Variants in RBFOX1 observed in about 807,000 individuals in gnomAD.
RBFOX1 encodes RNA binding fox-1 homolog 1.
In RBFOX1, 8 loss-of-function variants were observed where a neutral mutation model predicts 57.7. The ratio of observed to expected loss-of-function variants is 0.14; its 90% confidence interval spans 0.08 to 0.25. The LOEUF (loss-of-function observed/expected upper bound fraction) is 0.25, where lower values mean the gene tolerates loss of function less well. Ranked by LOEUF, RBFOX1 falls within the 10% of genes least tolerant of loss-of-function variation. RBFOX1 has a pLI of 1.00. For synonymous variants in RBFOX1, 326 were observed against 222.4 expected, an observed-to-expected ratio of 1.47 and a Z score of -4.15; for missense variants, 611 against 548.5, an observed-to-expected ratio of 1.11 and a Z score of -1.14.
At chr16:5,296,040 C>G (rs2063659111) in intron 1 of RBFOX1, among the ~76,000 whole-genome samples, 1 of 150,862 alleles carries the variant, frequency 6.6e-6, no homozygotes. Flanking sequence ...TCATCGGTCT[C>G]CTGCCTGTGA....
intron 3 of RBFOX1, among the ~76,000 whole-genome samples, chr16:6,841,589 A>C (rs1284155680): frequency 6.6e-6 from 1 of 152,110 alleles, no homozygotes; most frequent in Non-Finnish European, 1.5e-5. Flanking sequence ...GTCCACCCAC[A>C]GTTGAAGAGC....
In RBFOX1 at chr16:6,783,032, T is replaced by A. The variant is rs762768037; in HGVS notation, c.-16+128382T>A. On this transcript the variant is annotated intron_variant, in intron 3 of 15. Transcript: ENST00000550418. ...AGATTTTGTCTTGAAATATATTTTA[T>A]CTGGTATAAGTACAGCTCTTTATGT... is the stretch of plus-strand genomic sequence containing the variant. Among the ~76,000 whole-genome samples, 29 of 152,170 alleles carry A rather than the reference T, an allele frequency of 1.9e-4. 1 individual carries two copies. The highest frequency in any genetic ancestry group is 3.8e-4 in the Non-Finnish European group (26 of 68,022).
intron 4 of RBFOX1, among the ~76,000 whole-genome samples, chr16:7,198,659 G>C (rs188598508): frequency 6.6e-6 from 1 of 152,156 alleles, no homozygotes; most frequent in African/African-American, 2.4e-5. Context: ...AAGGGCAAGA[G>C]GGAAGAATAG....
chr16:5,749,866 C>T (rs188760455), intron 3 of RBFOX1, among the ~76,000 whole-genome samples: 25 of 152,332 alleles, frequency 1.6e-4, no homozygotes, highest in Middle Eastern at 3.4e-3. Context: ...TCTCTCAACT[C>T]GTCGAAGTCA....
At chr16:5,955,118 TAAAAAAAAAAAAAAA>T (rs34488881) in intron 4 of RBFOX1, among the ~76,000 whole-genome samples, 1 of 14,288 alleles carries the variant, frequency 7.0e-5, no homozygotes, top group African/African-American at 3.6e-4. Context: ...CCATCTCTAC[TAAAAAAAAAAAAAAA>T]AAAAAAAAAA....
intron 3 of RBFOX1, among the ~76,000 whole-genome samples, chr16:6,998,466 T>G (rs1424399496): frequency 6.6e-6 from 1 of 152,122 alleles, no homozygotes; most frequent in Non-Finnish European, 1.5e-5. Context: ...TAGACAAGGT[T>G]TTAGGGAAAA....
At chr16:6,602,937 T>C (rs1222335470) in intron 2 of RBFOX1, among the ~76,000 whole-genome samples, 1 of 152,116 alleles carries the variant, frequency 6.6e-6, no homozygotes, top group African/African-American at 2.4e-5. Context: ...GAGCTGGAGA[T>C]TGGGAATCCT....
At chr16:7,128,645 A>G (rs530823787) in intron 4 of RBFOX1, among the ~76,000 whole-genome samples, 16 of 152,164 alleles carry the variant, frequency 1.1e-4, no homozygotes, top group South Asian at 8.3e-4. Context: ...TTTCTACCCT[A>G]TTGTTACCAG....
At chr16:7,669,969 G>C (rs566713013) in intron 13 of RBFOX1, among the ~76,000 whole-genome samples, 1 of 151,988 alleles carries the variant, frequency 6.6e-6, no homozygotes, top group Admixed American at 6.6e-5. Context: ...CCTGTATTAC[G>C]TCATCTCTCC....
chr16:6,607,581 G>GTCCTC (rs2097957225), intron 2 of RBFOX1, among the ~76,000 whole-genome samples: 3 of 146,930 alleles, frequency 2.0e-5, no homozygotes, highest in South Asian at 2.2e-4. Context: ...TCTCCGTCCT[G>GTCCTC]TCTCCCTCCT....
chr16:6,480,493 ATAT>A (rs1374620267), intron 2 of RBFOX1, among the ~76,000 whole-genome samples: 12 of 152,202 alleles, frequency 7.9e-5, no homozygotes, highest in African/African-American at 2.2e-4. Context: ...ACATCACGAA[ATAT>A]TATTCTTCTT....
intron 4 of RBFOX1, among the ~76,000 whole-genome samples, chr16:7,255,001 C>G (rs796811922): frequency 6.6e-5 from 10 of 152,168 alleles, no homozygotes; most frequent in African/African-American, 2.4e-4. Context: ...GTTTTATTTG[C>G]TGTTGTGTCC....
intron 2 of RBFOX1, among the ~76,000 whole-genome samples, chr16:6,653,022 C>G (rs1355372357): frequency 6.6e-6 from 1 of 152,174 alleles, no homozygotes; most frequent in Non-Finnish European, 1.5e-5. Flanking sequence ...TTACTTCCCT[C>G]TAACCACAGT....
chr16:7,009,646 G>A (rs1466162369), intron 3 of RBFOX1, among the ~76,000 whole-genome samples: 25 of 152,096 alleles, frequency 1.6e-4, no homozygotes, highest in Non-Finnish European at 2.9e-5. Flanking sequence ...TCTACCGTCT[G>A]GGCACTTGTC....
intron 1 of RBFOX1, among the ~76,000 whole-genome samples, chr16:6,223,669 G>A (rs1295223023): frequency 6.6e-6 from 1 of 152,138 alleles, no homozygotes; most frequent in Non-Finnish European, 1.5e-5. Flanking sequence ...CACTCTGATG[G>A]TAGTTTCCTT....
intron 4 of RBFOX1, among the ~76,000 whole-genome samples, chr16:7,273,252 T>TCCTTCCTTCCTTCCTTCCTTCCTC (rs1567986194): frequency 1.0e-5 from 1 of 96,494 alleles, no homozygotes; most frequent in Non-Finnish European, 2.0e-5. Flanking sequence ...CTTCCTTCCT[T>TCCTTCCTTCCTTCCTTCCTTCCTC]CCTTCCTTCC....
At chr16:7,344,196 C>T (rs997465216) in intron 4 of RBFOX1, among the ~76,000 whole-genome samples, 9 of 140,998 alleles carry the variant, frequency 6.4e-5, no homozygotes, top group African/African-American at 2.1e-4. Context: ...TGCCTAAATT[C>T]AAGCTTCGCT....
chr16:6,764,677 C>G (rs924517570), intron 3 of RBFOX1, among the ~76,000 whole-genome samples: 2 of 152,172 alleles, frequency 1.3e-5, no homozygotes, highest in Non-Finnish European at 2.9e-5. Flanking sequence ...TGGCTCACGC[C>G]TGTAATCCCA....
chr16:7,050,469 T>C (rs2049657051), intron 3 of RBFOX1, among the ~76,000 whole-genome samples: 1 of 152,114 alleles, frequency 6.6e-6, no homozygotes, highest in Non-Finnish European at 1.5e-5. Flanking sequence ...TTTCACCATA[T>C]TGGCCAGGTT....
Sources: gnomAD v4.1 joint callset for allele counts (sites outside exome capture counted in the v4.1 genomes callset) on GRCh38, gnomAD v4.1.1 for gene constraint, MANE v1.5 for transcripts, NCBI Gene and HGNC (gene_info 2026-07-23, HGNC 2026-07-21) for gene names.